Variants in ESRRG observed in about 807,000 individuals in gnomAD.
The protein encoded by ESRRG is estrogen-related receptor gamma.
Under a neutral mutation model 44.0 loss-of-function variants are expected in ESRRG, and 13 were observed. The ratio of observed to expected loss-of-function variants is 0.30; its 90% CI spans 0.19 to 0.47. ESRRG has a LOEUF of 0.47. Ranked by LOEUF, ESRRG falls within the 20% of genes least tolerant of loss-of-function variation. ESRRG has a pLI of 1.00. For missense variants in ESRRG, 395 were observed against 580.6 expected (o/e 0.68, Z 3.29); for synonymous variants, 215 against 214.6 (o/e 1.00, Z -0.02).
chr1:216,628,899 T>C (rs771995292), intron 3 of ESRRG, among the ~76,000 whole-genome samples: 20 of 152,236 alleles, frequency 1.3e-4, no homozygotes, highest in Non-Finnish European at 1.8e-4. Context: ...TTTGGCCATT[T>C]GTAACAACTC....
intron 1 of ESRRG, among the ~76,000 whole-genome samples, chr1:217,025,750 C>A (rs1445518230): frequency 1.3e-5 from 2 of 152,140 alleles, no homozygotes; most frequent in African/African-American, 4.8e-5. Flanking sequence ...CTGAAAACTA[C>A]TGGGTGAATG....
At chr1:216,615,523 C>A (rs568785254) in intron 3 of ESRRG, among the ~76,000 whole-genome samples, 1 of 152,220 alleles carries the variant, frequency 6.6e-6, no homozygotes, top group Admixed American at 6.5e-5. Context: ...ACAGGGAAGA[C>A]CCCAGTTCTT....
At chr1:217,081,760 G>C (rs943851888) in intron 1 of ESRRG, among the ~76,000 whole-genome samples, 1 of 152,108 alleles carries the variant, frequency 6.6e-6, no homozygotes, top group Admixed American at 6.5e-5. Flanking sequence ...ATGTGCATTA[G>C]TTCTAATCTT....
intron 2 of ESRRG, among the ~76,000 whole-genome samples, chr1:216,922,194 A>C (rs1371037031): frequency 6.6e-6 from 1 of 152,212 alleles, no homozygotes; most frequent in Non-Finnish European, 1.5e-5. Context: ...GAAGGCTCTG[A>C]CTGTCACTTG....
At chr1:216,990,116 T>G (rs575665753) in intron 1 of ESRRG, among the ~76,000 whole-genome samples, 14 of 152,280 alleles carry the variant, frequency 9.2e-5, no homozygotes, top group African/African-American at 3.4e-4. Context: ...CACCAGAAAT[T>G]TGTCCAATAT....
chr1:216,764,099 A>G (rs1480845133), intron 2 of ESRRG, among the ~76,000 whole-genome samples: 1 of 152,074 alleles, frequency 6.6e-6, no homozygotes, highest in Non-Finnish European at 1.5e-5. Flanking sequence ...TCTGTGTCTC[A>G]TCTCAGATCA....
At chr1:216,866,362 G>T (rs1413302754) in intron 2 of ESRRG, among the ~76,000 whole-genome samples, 1 of 151,998 alleles carries the variant, frequency 6.6e-6, no homozygotes. Flanking sequence ...TTTAAGGATT[G>T]CTCTTATTGT....
chr1:216,934,239 G>A (rs901989239), intron 2 of ESRRG, among the ~76,000 whole-genome samples: 1 of 152,128 alleles, frequency 6.6e-6, no homozygotes, highest in African/African-American at 2.4e-5. Flanking sequence ...TTCAAGACCA[G>A]TCTGGCCAAC....
intron 1 of ESRRG, among the ~76,000 whole-genome samples, chr1:216,720,945 A>G (rs1274498909): frequency 6.6e-6 from 1 of 152,214 alleles, no homozygotes; most frequent in Non-Finnish European, 1.5e-5. Flanking sequence ...AGTCCGCTCT[A>G]TAATCCTGTA....
At chr1:216,732,269 T>C (rs2999504) in intron 2 of ESRRG, among the ~76,000 whole-genome samples, 117,720 of 152,046 alleles carry the variant, frequency 0.77, 45,882 homozygotes, top group South Asian at 0.89. Flanking sequence ...GAAACTTCAT[T>C]ATTATTATAT....
At chr1:216,785,436 T>C (rs764338564) in intron 2 of ESRRG, among the ~76,000 whole-genome samples, 3 of 152,046 alleles carry the variant, frequency 2.0e-5, no homozygotes, top group Non-Finnish European at 4.4e-5. Flanking sequence ...TGGTGGTCAG[T>C]ATTCTAGACA....
chr1:216,696,997 ACT>A (rs1050055939), intron 1 of ESRRG, among the ~76,000 whole-genome samples: 9 of 150,804 alleles, frequency 6.0e-5, no homozygotes, highest in African/African-American at 2.0e-4. Context: ...ACAGAGTCTC[ACT>A]CTGTTGCCCG....
At chr1:216,924,179 AGCT>A (rs1331292492) in intron 2 of ESRRG, among the ~76,000 whole-genome samples, 1 of 152,158 alleles carries the variant, frequency 6.6e-6, no homozygotes, top group African/African-American at 2.4e-5. Flanking sequence ...CTGATTGGAA[AGCT>A]GCTATGATTT....
intron 2 of ESRRG, among the ~76,000 whole-genome samples, chr1:216,817,135 T>G (rs2148550959): frequency 6.6e-6 from 1 of 151,904 alleles, no homozygotes; most frequent in South Asian, 2.1e-4. Flanking sequence ...TTGGCAAAAC[T>G]TACCCTAAAC....
intron 2 of ESRRG, among the ~76,000 whole-genome samples, chr1:216,734,749 C>CAGTAT (rs1409882952): frequency 6.6e-6 from 1 of 151,940 alleles, no homozygotes; most frequent in African/African-American, 2.4e-5. Context: ...TTCAATGTTT[C>CAGTAT]TTTGAAGAAA....
intron 2 of ESRRG, among the ~76,000 whole-genome samples, chr1:216,909,801 G>A (rs2060103339): frequency 2.0e-5 from 3 of 152,178 alleles, no homozygotes. Context: ...ATAGAGATCT[G>A]AGGGACAGAT....
chr1:217,043,305 G>C (rs909542096), intron 1 of ESRRG, among the ~76,000 whole-genome samples: 1 of 152,084 alleles, frequency 6.6e-6, no homozygotes, highest in Admixed American at 6.6e-5. Flanking sequence ...TCCATAAATG[G>C]AAAGAAGGAA....
chr1:217,119,922 G>A (rs1306217969), intron 1 of ESRRG, among the ~76,000 whole-genome samples: 1 of 152,186 alleles, frequency 6.6e-6, no homozygotes, highest in Non-Finnish European at 1.5e-5. Context: ...CACAAACATT[G>A]CTGGGCAAAT....
intron 1 of ESRRG, among the ~76,000 whole-genome samples, chr1:216,998,278 A>C (rs985377890): frequency 6.6e-6 from 1 of 152,222 alleles, no homozygotes; most frequent in Non-Finnish European, 1.5e-5. Context: ...AACATTGTCT[A>C]TGATTCTCTA....
Sources: allele counts gnomAD v4.1 joint callset (sites outside exome capture counted in the v4.1 genomes callset), GRCh38; gene constraint gnomAD v4.1.1; transcripts MANE v1.5; gene names NCBI Gene and HGNC (gene_info 2026-07-23, HGNC 2026-07-21).